Variants in PKNOX2 observed in about 807,000 individuals in gnomAD.
PKNOX2 encodes homeobox protein PKNOX2.
In PKNOX2, 14 loss-of-function variants were observed where a neutral mutation model predicts 53.1. That is an observed-to-expected ratio of 0.26 (90% confidence interval 0.17 to 0.41). The LOEUF is 0.41. PKNOX2 is among the 10% of genes least tolerant of loss of function. PKNOX2 has a pLI of 1.00. For synonymous variants in PKNOX2, 257 were observed against 242.8 expected, an observed-to-expected ratio of 1.06 and a Z score of -0.54; for missense variants, 496 against 602.8, an observed-to-expected ratio of 0.82 and a Z score of 1.85.
At chr11:125,238,367 C>T (rs1466209034) in intron 2 of PKNOX2, among the ~76,000 whole-genome samples, 1 of 152,170 alleles carries the variant, frequency 6.6e-6, no homozygotes, top group Non-Finnish European at 1.5e-5. Flanking sequence ...ACATGCTAGG[C>T]ATCATGCTAA....
chr11:125,336,148 T>A (rs1950423298), intron 3 of PKNOX2, among the ~76,000 whole-genome samples: 1 of 152,208 alleles, frequency 6.6e-6, no homozygotes, highest in African/African-American at 2.4e-5. Context: ...TTATTGTAGT[T>A]ATTTTTTAAA....
intron 1 of PKNOX2, among the ~76,000 whole-genome samples, chr11:125,215,012 C>T (rs1036487838): frequency 2.6e-5 from 4 of 152,080 alleles, no homozygotes; most frequent in African/African-American, 7.2e-5. Context: ...AAAGAGAAAT[C>T]TGTGGTGGGA....
chr11:125,311,734 T>C (rs75016862), intron 2 of PKNOX2, among the ~76,000 whole-genome samples: 7,378 of 152,180 alleles, frequency 0.048, 538 homozygotes, highest in African/African-American at 0.16. Context: ...TCATGTCAAG[T>C]TTTCTGTTCT....
intron 2 of PKNOX2, among the ~76,000 whole-genome samples, chr11:125,323,119 T>C (rs1207659539): frequency 6.6e-6 from 1 of 151,876 alleles, no homozygotes; most frequent in Non-Finnish European, 1.5e-5. Context: ...AGGAGAGTTA[T>C]GGATGGAGGC....
intron 6 of PKNOX2, among the ~76,000 whole-genome samples, chr11:125,388,832 C>T (rs78131255): frequency 6.6e-6 from 1 of 152,140 alleles, no homozygotes. Context: ...CTCCCTCCCT[C>T]CATTAGCCAC....
At chr11:125,333,356 C>A (rs780598676) in intron 3 of PKNOX2, among the ~76,000 whole-genome samples, 5 of 152,170 alleles carry the variant, frequency 3.3e-5, no homozygotes, top group Non-Finnish European at 7.3e-5. Context: ...ACAAGCCAGT[C>A]TGAGCCTGGG....
At chr11:125,276,390 AG>A (rs1284244065) in intron 2 of PKNOX2, among the ~76,000 whole-genome samples, 1 of 152,184 alleles carries the variant, frequency 6.6e-6, no homozygotes, top group Non-Finnish European at 1.5e-5. Flanking sequence ...GATGATATGG[AG>A]GTATGTTTAT....
At chr11:125,207,379 T>A (rs1939258279) in intron 1 of PKNOX2, among the ~76,000 whole-genome samples, 1 of 151,958 alleles carries the variant, frequency 6.6e-6, no homozygotes, top group Non-Finnish European at 1.5e-5. Context: ...GACAGAAATG[T>A]GAGTGCCGTT....
chr11:125,173,713 G>A (rs1591468395), intron 1 of PKNOX2, among the ~76,000 whole-genome samples: 2 of 152,224 alleles, frequency 1.3e-5, no homozygotes, highest in East Asian at 3.9e-4. Flanking sequence ...TCATGGCTAT[G>A]AGTGGGGGCA....
intron 2 of PKNOX2, among the ~76,000 whole-genome samples, chr11:125,309,130 C>T (rs934461299): frequency 5.1e-4 from 76 of 148,498 alleles, no homozygotes; most frequent in Non-Finnish European, 6.6e-4. Context: ...ATTACCTCTT[C>T]CTTTCTTTCT....
At chr11:125,262,326 CG>C (rs1162799418) in intron 2 of PKNOX2, among the ~76,000 whole-genome samples, 1 of 152,098 alleles carries the variant, frequency 6.6e-6, no homozygotes, top group Non-Finnish European at 1.5e-5. Context: ...AATGAAAGGA[CG>C]CTTGTGTTCT....
chr11:125,230,127 C>G (rs1317183194), intron 1 of PKNOX2, among the ~76,000 whole-genome samples: 5 of 152,182 alleles, frequency 3.3e-5, no homozygotes, highest in Non-Finnish European at 7.3e-5. Flanking sequence ...ACTGGGTGCC[C>G]AGCACTGCCT....
At chr11:125,398,257 C>A (rs577188032) in intron 7 of PKNOX2, among the ~76,000 whole-genome samples, 195 bp downstream of exon 7, 10 of 152,336 alleles carry the variant, frequency 6.6e-5, no homozygotes, top group African/African-American at 2.4e-4. Context: ...ACACAGTCTG[C>A]CCTGCCAGGG....
At chr11:125,371,085 G>T (rs1467063833) in intron 5 of PKNOX2, among the ~76,000 whole-genome samples, 1 of 152,200 alleles carries the variant, frequency 6.6e-6, no homozygotes, top group Non-Finnish European at 1.5e-5. Context: ...GTTCCCTTCT[G>T]ATGTGGAAAC....
intron 1 of PKNOX2, among the ~76,000 whole-genome samples, chr11:125,210,647 C>G (rs1372265227): frequency 1.3e-5 from 2 of 152,082 alleles, no homozygotes; most frequent in Non-Finnish European, 2.9e-5. Flanking sequence ...TTTCTGTTCA[C>G]CTGGGACTGA....
At chr11:125,413,400 A>C (rs74707462) in intron 10 of PKNOX2, among the ~76,000 whole-genome samples, 4,082 of 152,318 alleles carry the variant, frequency 0.027, 93 homozygotes, top group African/African-American at 0.063. Context: ...CAGGGGGCTC[A>C]GATGGACTCA....
intron 6 of PKNOX2, among the ~76,000 whole-genome samples, chr11:125,394,887 A>G (rs1954288349): frequency 6.6e-6 from 1 of 152,222 alleles, no homozygotes; most frequent in South Asian, 2.1e-4. Context: ...CATCTTGTAT[A>G]ACCATAGCAC....
At position 125,432,521 on chromosome 11, in the gene PKNOX2, GGGGGA is replaced by G. The variant is rs998569350; in HGVS notation, c.*1133_*1137del. On this transcript the variant is annotated 3_prime_UTR_variant, in exon 13 of 13. Transcript: ENST00000298282. The stretch of plus-strand genomic sequence containing the variant: ...CTCTTCCCATCAATATCCTAAATGT[GGGGGA>G]GGGCCCAGAGAATGGCACCCAAGAG... 1.3e-5 allele frequency: 2 copies of G among 152,684 alleles called. No individual in the cohort carries two copies. The highest frequency in any genetic ancestry group is 4.8e-5 in the African/African-American group (2 of 41,450). The allele number at this position is 152,684 out of a possible 1,614,324, so 9.5% of individuals were successfully genotyped here. A position where few individuals can be genotyped will look rare whatever the true frequency, so the allele number is the denominator to read the frequency against.
intron 5 of PKNOX2, among the ~76,000 whole-genome samples, chr11:125,372,080 G>A (rs1003745238): frequency 6.6e-6 from 1 of 152,184 alleles, no homozygotes; most frequent in Non-Finnish European, 1.5e-5. Flanking sequence ...CAGCTTAGAC[G>A]AAGTAGCTAC....
Sources: allele counts gnomAD v4.1 joint callset (sites outside exome capture counted in the v4.1 genomes callset), GRCh38; gene constraint gnomAD v4.1.1; transcripts MANE v1.5; gene names NCBI Gene and HGNC (gene_info 2026-07-23, HGNC 2026-07-21).